Variants in LNPK observed in about 807,000 individuals in gnomAD.
LNPK encodes the protein lunapark, ER junction formation factor, also known as endoplasmic reticulum junction formation protein lunapark.
Under a neutral mutation model 55.2 loss-of-function variants are expected in LNPK, and 29 were observed. The ratio of observed to expected loss-of-function variants is 0.53; its 90% CI spans 0.39 to 0.72. LNPK has a LOEUF of 0.72. Ranked by LOEUF, LNPK falls within the 30% of genes least tolerant of loss-of-function variation. LNPK has a pLI of 0.00. For synonymous variants in LNPK, 162 were observed against 168.2 expected (o/e 0.96, Z 0.29); for missense variants, 467 against 494.8 (o/e 0.94, Z 0.53).
intron 1 of LNPK, among the ~76,000 whole-genome samples, chr2:175,998,848 T>C (rs1250717176): frequency 3.8e-4 from 58 of 152,222 alleles, no homozygotes; most frequent in Admixed American, 3.7e-3. Flanking sequence ...AGCCTTTATT[T>C]GTTTACTGCA....
intron 5 of LNPK, among the ~76,000 whole-genome samples, chr2:175,977,742 A>G (rs989855000): frequency 6.6e-6 from 1 of 152,198 alleles, no homozygotes; most frequent in African/African-American, 2.4e-5. Flanking sequence ...GTGGAGGAAA[A>G]GAAGAGATAA....
At chr2:175,932,134 T>G (rs934341397) in intron 12 of LNPK, 2 of 454,200 alleles carry the variant, frequency 4.4e-6, no homozygotes, top group Admixed American at 4.7e-5. Flanking sequence ...TTTGTCATAT[T>G]CTGTCTGACA....
At chr2:175,990,929 A>G (rs1687672894) in intron 4 of LNPK, among the ~76,000 whole-genome samples, 1 of 152,192 alleles carries the variant, frequency 6.6e-6, no homozygotes, top group African/African-American at 2.4e-5. Flanking sequence ...CCAAAATATC[A>G]GAAAGACTGA....
At chr2:176,000,527 A>G (rs1222106820) in intron 1 of LNPK, among the ~76,000 whole-genome samples, 1 of 152,246 alleles carries the variant, frequency 6.6e-6, no homozygotes, top group African/African-American at 2.4e-5. Flanking sequence ...GGAAAATTAT[A>G]TTAGTTTGTA....
At chr2:175,996,237 A>G (rs1053264947) in intron 1 of LNPK, among the ~76,000 whole-genome samples, 1 of 152,184 alleles carries the variant, frequency 6.6e-6, no homozygotes, top group Admixed American at 6.5e-5. Flanking sequence ...GCAATTTTCT[A>G]TCCTTTAAAA....
chr2:175,947,823 A>T, intron 8 of LNPK, 131 bp from the exon 9 acceptor site: 1 of 539,708 alleles, frequency 1.9e-6, no homozygotes, highest in Admixed American at 3.3e-5. Flanking sequence ...TATAATAATA[A>T]ATCTATAATA....
intron 1 of LNPK, among the ~76,000 whole-genome samples, chr2:175,997,973 C>T (rs1224993828): frequency 6.6e-6 from 1 of 151,638 alleles, no homozygotes; most frequent in East Asian, 1.9e-4. Flanking sequence ...AACTCCTGGC[C>T]TCAAGTGATC....
chr2:175,931,819 G>C (rs1445612962), intron 12 of LNPK, among the ~76,000 whole-genome samples: 2 of 152,150 alleles, frequency 1.3e-5, no homozygotes, highest in South Asian at 2.1e-4. Flanking sequence ...GAAACTACAG[G>C]CATGTACAAA....
intron 6 of LNPK, among the ~76,000 whole-genome samples, chr2:175,968,418 G>C (rs745771403): frequency 3.3e-5 from 5 of 152,146 alleles, no homozygotes; most frequent in Non-Finnish European, 5.9e-5. Flanking sequence ...AGGTAATCTT[G>C]ACTCATGTAT....
At chr2:175,959,413 A>T (rs1301815565) in intron 8 of LNPK, among the ~76,000 whole-genome samples, 2 of 152,182 alleles carry the variant, frequency 1.3e-5, no homozygotes, top group African/African-American at 4.8e-5. Context: ...TCAATATTCA[A>T]CATTCTTAAA....
Position 175,929,675 on chromosome 2 carries a change from A to T in LNPK, c.*292T>A. ...ACGGGTTATACATACAGAAAACAAGAAGGCAATCATGTTTGCTTACTTTTA... is the reference window on the plus strand; with the variant it reads ...ACGGGTTATACATACAGAAAACAAGTAGGCAATCATGTTTGCTTACTTTTA... On this transcript the variant is annotated 3_prime_UTR_variant, in exon 13 of 13. Coordinates refer to ENST00000272748, the MANE Select transcript of LNPK (RefSeq NM_030650.3). The T allele has an allele frequency of 8.5e-7, 1 of 1,178,200 alleles. No homozygotes were observed. Among genetic ancestry groups the T allele is most frequent in the Non-Finnish European group, 1.1e-6 (1 of 951,996 alleles). 73.0% of individuals were successfully genotyped at this position (1,178,200 alleles called of 1,614,324 possible). A position where few individuals can be genotyped will look rare whatever the true frequency, so the allele number is the denominator to read the frequency against.
intron 5 of LNPK, among the ~76,000 whole-genome samples, chr2:175,972,527 T>C (rs913740324): frequency 1.1e-4 from 17 of 152,280 alleles, no homozygotes; most frequent in Admixed American, 7.8e-4. Flanking sequence ...TTGAGTTCAA[T>C]TTTTTGTAAT....
intron 12 of LNPK, among the ~76,000 whole-genome samples, chr2:175,936,113 A>C (rs1291416000): frequency 1.3e-5 from 2 of 152,200 alleles, no homozygotes; most frequent in Non-Finnish European, 2.9e-5. Context: ...GCACGACTTA[A>C]GCAAAAGAAA....
chr2:175,991,930 C>T (rs1687719537), intron 4 of LNPK, among the ~76,000 whole-genome samples: 1 of 152,132 alleles, frequency 6.6e-6, no homozygotes, highest in Non-Finnish European at 1.5e-5. Context: ...TGCCATTACC[C>T]ACTACTCCAT....
chr2:175,991,202 T>C (rs1298154102), intron 4 of LNPK, among the ~76,000 whole-genome samples: 1 of 152,196 alleles, frequency 6.6e-6, no homozygotes, highest in Non-Finnish European at 1.5e-5. Context: ...TTAAAAGTGC[T>C]TAAATTTACT....
At chr2:175,959,585 CGG>C (rs1685898671) in intron 8 of LNPK, among the ~76,000 whole-genome samples, 1 of 152,118 alleles carries the variant, frequency 6.6e-6, no homozygotes, top group Non-Finnish European at 1.5e-5. Context: ...AAGGAACTAA[CGG>C]TACCAGCCAC....
chr2:176,001,061 TAA>T (rs1447052329), intron 1 of LNPK, among the ~76,000 whole-genome samples: 2 of 152,180 alleles, frequency 1.3e-5, no homozygotes, highest in African/African-American at 4.8e-5. Flanking sequence ...AAACACTATA[TAA>T]GTTTACTAAC....
At chr2:175,983,161 G>A (rs1285971760) in intron 4 of LNPK, among the ~76,000 whole-genome samples, 2 of 152,166 alleles carry the variant, frequency 1.3e-5, no homozygotes, top group Admixed American at 6.5e-5. Context: ...AGAACAAGAT[G>A]CACAGCTACA....
chr2:175,933,457 A>G (rs570491841), intron 12 of LNPK, among the ~76,000 whole-genome samples: 9 of 152,182 alleles, frequency 5.9e-5, no homozygotes, highest in Non-Finnish European at 1.2e-4. Flanking sequence ...CTACAAACTT[A>G]CCCAAAGGAA....
Sources: allele counts gnomAD v4.1 joint callset (sites outside exome capture counted in the v4.1 genomes callset), GRCh38; gene constraint gnomAD v4.1.1; transcripts MANE v1.5; gene names NCBI Gene and HGNC (gene_info 2026-07-23, HGNC 2026-07-21).